The following ZNF470 variants were observed in gnomAD, a reference collection of about 807,000 sequenced individuals.
ZNF470 encodes zinc finger protein 470.
ZNF470 carries 13 observed loss-of-function variants against 13.9 expected under a neutral mutation model. The ratio of observed to expected loss-of-function variants is 0.94; its 90% CI spans 0.61 to 1.49. ZNF470 has a LOEUF of 1.49. Ranked by LOEUF, ZNF470 falls within the 40% of genes most tolerant of loss-of-function variation. ZNF470 has a pLI of 0.00. For synonymous variants in ZNF470, 293 were observed against 282.9 expected, an observed-to-expected ratio of 1.04 and a Z score of -0.36; for missense variants, 929 against 857.3, an observed-to-expected ratio of 1.08 and a Z score of -1.04.
At position 56,582,053 on chromosome 19, in the gene ZNF470, G is replaced by A. The variant is rs190593503; in HGVS notation, c.*3470G>A. The A allele has an allele frequency of 4.1e-6, 4 of 985,386 alleles. No homozygotes were observed. In the East Asian group the frequency reaches 3.4e-4, roughly 84 times the overall value. 61.0% of individuals were successfully genotyped at this position (985,386 alleles called of 1,614,324 possible). Reference sequence around the variant, plus strand: ...CATACAGAATTTGGTACGAAGATTGGGTAATGGGCATTAGAATCTTTGGAA... The same window carrying A: ...CATACAGAATTTGGTACGAAGATTGAGTAATGGGCATTAGAATCTTTGGAA... On this transcript the variant is annotated 3_prime_UTR_variant, in exon 6 of 6. Coordinates refer to ENST00000330619, the MANE Select transcript of ZNF470 (RefSeq NM_001001668.4).
In ZNF470 at chr19:56,576,729, G is replaced by A; in HGVS notation, c.300G>A (p.Trp100Ter). The A allele has an allele frequency of 6.8e-7, 1 of 1,469,060 alleles. No individual in the cohort carries two copies. The highest frequency in any genetic ancestry group is 9.0e-7 in the Non-Finnish European group (1 of 1,110,510). The allele number at this position is 1,469,060 out of a possible 1,614,324, so 91.0% of individuals were successfully genotyped here. The change falls in exon 6 of 6, where the codon TGG becomes TGA. Residue 100 changes from tryptophan to a stop codon, truncating the protein, a stop_gained. Coordinates refer to ENST00000330619, the MANE Select transcript of ZNF470 (RefSeq NM_001001668.4). LOFTEE classifies it low-confidence loss of function (END_TRUNC). ...RGLCPDLECVWVTKSLSLNQD... is the reference protein window; with the variant it reads ...RGLCPDLECV The stretch of plus-strand genomic sequence containing the variant: ...ATCTTTCAGACTTGGAGTGTGTGTG[G>A]GTGACCAAATCATTATCTTTAAACC...
In ZNF470 at chr19:56,582,447, T is replaced by C; in HGVS notation, c.*3864T>C. 3.0e-6 allele frequency: 3 copies of C among 985,410 alleles called. No individual in the cohort carries two copies. Among genetic ancestry groups the C allele is most frequent in the Non-Finnish European group, 3.6e-6 (3 of 829,906 alleles). 61.0% of individuals were successfully genotyped at this position (985,410 alleles called of 1,614,324 possible). ...TCATAACCAAATTTAGAGACTATTT[T>C]TATGCATTGTTAAAGTGGAATGCTG... On this transcript the variant is annotated 3_prime_UTR_variant, in exon 6 of 6. Coordinates refer to ENST00000330619, the MANE Select transcript of ZNF470 (RefSeq NM_001001668.4).
In ZNF470 at chr19:56,577,843, C is replaced by A; in HGVS notation, c.1414C>A (p.Gln472Lys). 6.2e-7 allele frequency: 1 copy of A among 1,613,842 alleles called. No homozygotes were observed. The highest frequency in any genetic ancestry group is 8.5e-7 in the Non-Finnish European group (1 of 1,179,916). The change falls in exon 6 of 6, where the codon CAG becomes AAG. Residue 472 changes from glutamine (Q) to lysine (K), a missense_variant. Physicochemically the swap from Gln to Lys is moderately conservative, Grantham distance 53 (BLOSUM62 1). Transcript: ENST00000330619. The part of the protein sequence containing the change: ...FSHRGSLTLH[Q>K]RVHTGEKPYE... ...CCATCGTGGGTCTCTTACTCTTCAT[C>A]AGAGAGTTCATACTGGAGAGAAACC...
rs1351754442 is a variant in ZNF470, at chr19:56,580,973, G to A, written c.*2390G>A. 1.0e-6 allele frequency: 1 copy of A among 984,820 alleles called. No individual in the cohort carries two copies. Among genetic ancestry groups the A allele is most frequent in the East Asian group, 1.1e-4 (1 of 8,814 alleles). 61.0% of individuals were successfully genotyped at this position (984,820 alleles called of 1,614,324 possible). A position where few individuals can be genotyped will look rare whatever the true frequency, so the allele number is the denominator to read the frequency against. On this transcript the variant is annotated 3_prime_UTR_variant, in exon 6 of 6. Coordinates refer to ENST00000330619, the MANE Select transcript of ZNF470 (RefSeq NM_001001668.4). ...GTCTAAATGTAAAATTAAAGTACAT[G>A]AAAAACAGAATAATATATATGTACC...
At position 56,581,487 on chromosome 19, in the gene ZNF470, A is replaced by G. The variant is rs1216860291; in HGVS notation, c.*2904A>G. ...GTGGCAAAAAAATTAATGGTAAACTATTAAAACAACAAGTGTCCATCAGGG... is the reference window on the plus strand; with the variant it reads ...GTGGCAAAAAAATTAATGGTAAACTGTTAAAACAACAAGTGTCCATCAGGG... On this transcript the variant is annotated 3_prime_UTR_variant, in exon 6 of 6. Coordinates refer to ENST00000330619, the MANE Select transcript of ZNF470 (RefSeq NM_001001668.4). The G allele has an allele frequency of 7.7e-6, 7 of 907,710 alleles. No homozygotes were observed. Among genetic ancestry groups the G allele is most frequent in the Admixed American group, 6.2e-5 (1 of 16,132 alleles). The allele number at this position is 907,710 out of a possible 1,614,324, so 56.2% of individuals were successfully genotyped here.
rs756214760 is a variant in ZNF470 at position 56,578,199 on chromosome 19, A to C, written c.1770A>C (p.Lys590Asn). 4.3e-6 allele frequency: 7 copies of C among 1,613,550 alleles called. No individual in the cohort carries two copies. The African/African-American group carries it at 9.4e-5, about 22-fold the overall frequency. ...AACATCAGAGACTCCACAGTGGCAA[A>C]AGACCGTATGAATGTCTTGAATGTG... Reference protein sequence around the residue: ...LVQHQRLHSGKRPYECLECGK... With the variant: ...LVQHQRLHSGNRPYECLECGK... Residue 590 changes from lysine (K) to asparagine (N), a missense_variant, in exon 6 of 6, where the codon AAA becomes AAC. Transcript: ENST00000330619.
chr19:56,579,357 G>C lies in ZNF470; in HGVS notation c.*774G>C, dbSNP rs933374037. On this transcript the variant is annotated 3_prime_UTR_variant, in exon 6 of 6. Transcript: ENST00000330619. ...GGATTGCTTGAGCCCAGGAGGTAGA[G>C]GTTGCAGTGAGTCATGATCACACCA... 2.5e-6 allele frequency: 2 copies of C among 800,126 alleles called. No homozygotes were observed. The highest frequency in any genetic ancestry group is 3.0e-6 in the Non-Finnish European group (2 of 661,138). 49.6% of individuals were successfully genotyped at this position (800,126 alleles called of 1,614,324 possible). A position where few individuals can be genotyped will look rare whatever the true frequency, so the allele number is the denominator to read the frequency against.
At chr19:56,572,606 A>G (rs952729486) in intron 3 of ZNF470, among the ~76,000 whole-genome samples, 4 of 149,948 alleles carry the variant, frequency 2.7e-5, no homozygotes, top group Non-Finnish European at 5.9e-5. Flanking sequence ...AAGTACCACC[A>G]GACCATGGTG....
chr19:56,579,063 G>A lies in ZNF470; in HGVS notation c.*480G>A, dbSNP rs1600570738. 7.1e-6 allele frequency: 7 copies of A among 985,810 alleles called. No homozygotes were observed. Among genetic ancestry groups the A allele is most frequent in the Non-Finnish European group, 8.4e-6 (7 of 830,230 alleles). The allele number at this position is 985,810 out of a possible 1,614,324, so 61.1% of individuals were successfully genotyped here. On this transcript the variant is annotated 3_prime_UTR_variant, in exon 6 of 6. Transcript: ENST00000330619. ...AACATGGTGGCTTATCACTCCCTCTGTGACATTGTTGATGAGCAACTCTCA... is the reference window on the plus strand; with the variant it reads ...AACATGGTGGCTTATCACTCCCTCTATGACATTGTTGATGAGCAACTCTCA...
Position 56,567,531 on chromosome 19 carries a change from G to A in ZNF470, c.-666G>A. The A allele has an allele frequency of 1.0e-6, 1 of 986,328 alleles. No homozygotes were observed. The highest frequency in any genetic ancestry group is 1.2e-6 in the Non-Finnish European group (1 of 830,520). 61.1% of individuals were successfully genotyped at this position (986,328 alleles called of 1,614,324 possible). On this transcript the variant is annotated 5_prime_UTR_variant, in exon 1 of 6. Transcript: ENST00000330619. The stretch of plus-strand genomic sequence containing the variant: ...CCGCCGGTTGCTGAGGAGAAGGGAG[G>A]TCTGGGCGGGGCAGCGGCCGAGGCT...
chr19:56,576,310 C>G (rs1239736137), intron 5 of ZNF470, among the ~76,000 whole-genome samples: 4 of 152,056 alleles, frequency 2.6e-5, no homozygotes. Context: ...GAAGCCACAT[C>G]CCCGAATAGT....
At chr19:56,570,159 G>C in intron 2 of ZNF470, 121 bp from the exon 3 acceptor site, 2 of 664,356 alleles carry the variant, frequency 3.0e-6, no homozygotes, top group Non-Finnish European at 5.4e-6. Context: ...TCAGGACTGT[G>C]GGGTGGGGGA....
In ZNF470 at chr19:56,577,221, C is replaced by T. The variant is rs2044495348; in HGVS notation, c.792C>T (p.Ala264=). Reference sequence around the variant, plus strand: ...ATGAATGTATTGAATGTGGAAAGGCCTTTAGCCAGAGTGCCCACCTTGCTC... The same window carrying T: ...ATGAATGTATTGAATGTGGAAAGGCTTTTAGCCAGAGTGCCCACCTTGCTC... The part of the protein sequence containing the change: ...KPYECIECGK[A]FSQSAHLAQH... Residue 264 remains alanine, a synonymous_variant, in exon 6 of 6, where the codon GCC becomes GCT. Transcript: ENST00000330619. 6.2e-7 allele frequency: 1 copy of T among 1,611,638 alleles called. No homozygotes were observed.
Position 56,577,332 on chromosome 19 carries a change from A to G in ZNF470, c.903A>G (p.Gln301=). The change falls in exon 6 of 6, where the codon CAA becomes CAG. Residue 301 remains glutamine (Q), a synonymous_variant. Coordinates refer to ENST00000330619, the MANE Select transcript of ZNF470 (RefSeq NM_001001668.4). ...TCAGCCAGAATGCTCATCTTGTTCAACACCAGAGAGTTCATACTGGAGAGA... is the reference window on the plus strand; with the variant it reads ...TCAGCCAGAATGCTCATCTTGTTCAGCACCAGAGAGTTCATACTGGAGAGA... The part of the protein sequence containing the change: ...KAFSQNAHLV[Q]HQRVHTGEKP... The G allele has an allele frequency of 6.2e-7, 1 of 1,613,742 alleles. No homozygotes were observed. The highest frequency in any genetic ancestry group is 8.5e-7 in the Non-Finnish European group (1 of 1,179,854).
At position 56,580,819 on chromosome 19, in the gene ZNF470, T is replaced by C; in HGVS notation, c.*2236T>C. The C allele has an allele frequency of 2.0e-6, 2 of 984,398 alleles. No individual in the cohort carries two copies. Among genetic ancestry groups the C allele is most frequent in the African/African-American group, 1.7e-5 (1 of 57,294 alleles). The allele number at this position is 984,398 out of a possible 1,614,324, so 61.0% of individuals were successfully genotyped here. A position where few individuals can be genotyped will look rare whatever the true frequency, so the allele number is the denominator to read the frequency against. On this transcript the variant is annotated 3_prime_UTR_variant, in exon 6 of 6. Coordinates refer to ENST00000330619, the MANE Select transcript of ZNF470 (RefSeq NM_001001668.4). ...ATGTGGAGCTTTCAGACTCTCCTTA[T>C]ATATGATAAAAAGGATTTTTCATTG... is the stretch of plus-strand genomic sequence containing the variant.
In ZNF470 at chr19:56,578,376, T is replaced by C. The variant is rs1292919238; in HGVS notation, c.1947T>C (p.Tyr649=). Residue 649 remains tyrosine, a synonymous_variant, in exon 6 of 6, where the codon TAT becomes TAC. Transcript: ENST00000330619. ...HQRIHTGEKP[Y]ECKECSKAFS... ...GAATTCATACAGGAGAGAAACCTTA[T>C]GAGTGTAAGGAATGTAGCAAAGCCT... The C allele has an allele frequency of 1.9e-6, 3 of 1,611,502 alleles. No individual in the cohort carries two copies. The highest frequency in any genetic ancestry group is 1.7e-5 in the Admixed American group (1 of 59,816).
At position 56,574,150 on chromosome 19, in the gene ZNF470, C is replaced by A. The variant is rs187809349; in HGVS notation, c.61-244C>A. On this transcript the variant is annotated intron_variant, in intron 3 of 5. Transcript: ENST00000330619. ...TTTCATTGGTAATGTATTCTCGCCA[C>A]CTAGAATTGCAAATGTTTGAAGAGC... is the stretch of plus-strand genomic sequence containing the variant. The A allele has an allele frequency of 1.5e-5, 10 of 649,574 alleles. No homozygotes were observed. The East Asian group carries it at 3.4e-4, about 22-fold the overall frequency. The allele number at this position is 649,574 out of a possible 1,614,324, so 40.2% of individuals were successfully genotyped here.
At position 56,570,357 on chromosome 19, in the gene ZNF470, A is replaced by G. The variant is rs1261138856; in HGVS notation, c.46A>G (p.Lys16Glu). The G allele has an allele frequency of 1.9e-6, 3 of 1,614,048 alleles. No individual in the cohort carries two copies. Among genetic ancestry groups the G allele is most frequent in the Non-Finnish European group, 2.5e-6 (3 of 1,180,004 alleles). The stretch of plus-strand genomic sequence containing the variant: ...AGAGGTGGCAGGAATTAAACTTTGT[A>G]AAGCCATGTCCCTGGTGAGTTAGTA... ...EVEVAGIKLC[K>E]AMSLGSVTFT... Residue 16 changes from lysine (K) to glutamate (E), a missense_variant, in exon 3 of 6, where the codon AAA (lysine) becomes GAA (glutamate). Transcript: ENST00000330619.
Position 56,580,813 on chromosome 19 carries a change from T to A in ZNF470, c.*2230T>A. ...CAGAGAATGTGGAGCTTTCAGACTC[T>A]CCTTATATATGATAAAAAGGATTTT... is the stretch of plus-strand genomic sequence containing the variant. On this transcript the variant is annotated 3_prime_UTR_variant, in exon 6 of 6. Transcript: ENST00000330619. The A allele has an allele frequency of 1.0e-6, 1 of 983,590 alleles. No homozygotes were observed. The highest frequency in any genetic ancestry group is 1.2e-6 in the Non-Finnish European group (1 of 828,328). The allele number at this position is 983,590 out of a possible 1,614,324, so 60.9% of individuals were successfully genotyped here. A position where few individuals can be genotyped will look rare whatever the true frequency, so the allele number is the denominator to read the frequency against.
Sources: gnomAD v4.1 joint callset for allele counts (sites outside exome capture counted in the v4.1 genomes callset) on GRCh38, gnomAD v4.1.1 for gene constraint, MANE v1.5 for transcripts, NCBI Gene and HGNC (gene_info 2026-07-23, HGNC 2026-07-21) for gene names.